The following UTRN variants were observed in gnomAD, a reference collection of about 807,000 sequenced individuals.
UTRN encodes the protein dystrophin-related protein 1.
Under a neutral mutation model 463.9 loss-of-function variants are expected in UTRN, and 283 were observed. The ratio of observed to expected loss-of-function variants is 0.61; its 90% CI spans 0.55 to 0.67. The LOEUF is 0.67. UTRN is among the 30% of genes least tolerant of loss of function. UTRN has a pLI of 0.00. For synonymous variants in UTRN, 1,442 were observed against 1,431.5 expected, an observed-to-expected ratio of 1.01 and a Z score of -0.17; for missense variants, 3,922 against 4,084.3, an observed-to-expected ratio of 0.96 and a Z score of 1.08.
chr6:144,301,331 T>G (rs1173220839), intron 2 of UTRN, among the ~76,000 whole-genome samples: 1 of 152,106 alleles, frequency 6.6e-6, no homozygotes, highest in Non-Finnish European at 1.5e-5. Flanking sequence ...CGTAACGTGT[T>G]GTAAATTAGA....
chr6:144,851,005 A>T lies in UTRN; in HGVS notation c.*8A>T. 1 of 1,613,648 alleles carries T rather than the reference A, an allele frequency of 6.2e-7. No individual in the cohort carries two copies. The highest frequency in any genetic ancestry group is 1.3e-5 in the African/African-American group (1 of 75,006). Reference sequence around the variant, plus strand: ...TTCCCATAGGCAATGTGAAGTATTCATCCGGCCAACCAATGTTTCCTGACG... The same window carrying T: ...TTCCCATAGGCAATGTGAAGTATTCTTCCGGCCAACCAATGTTTCCTGACG... On this transcript the variant is annotated 3_prime_UTR_variant, in exon 75 of 75. Coordinates refer to ENST00000367545, the MANE Select transcript of UTRN (RefSeq NM_007124.3).
chr6:144,819,608 G>C (rs925089599), intron 65 of UTRN, among the ~76,000 whole-genome samples: 1 of 152,052 alleles, frequency 6.6e-6, no homozygotes, highest in Non-Finnish European at 1.5e-5. Flanking sequence ...CACGAGAATC[G>C]GCTGAACTTG....
chr6:144,599,366 CAGTG>C (rs1306052937), intron 51 of UTRN, among the ~76,000 whole-genome samples: 2 of 152,108 alleles, frequency 1.3e-5, no homozygotes, highest in African/African-American at 4.8e-5. Flanking sequence ...ATTAACGAAG[CAGTG>C]AGGGACACAC....
At chr6:144,304,798 A>C (rs1324571460) in intron 2 of UTRN, among the ~76,000 whole-genome samples, 2 of 152,144 alleles carry the variant, frequency 1.3e-5, no homozygotes, top group Non-Finnish European at 2.9e-5. Context: ...AAGGGCTTTA[A>C]AATTAAAAAA....
At chr6:144,825,144 A>T (rs1035900281) in intron 66 of UTRN, among the ~76,000 whole-genome samples, 1 of 152,042 alleles carries the variant, frequency 6.6e-6, no homozygotes, top group African/African-American at 2.4e-5. Context: ...AACTGCTAGG[A>T]TTACAGGCAC....
intron 59 of UTRN, among the ~76,000 whole-genome samples, chr6:144,772,253 C>T (rs752821058): frequency 4.6e-5 from 7 of 151,888 alleles, no homozygotes; most frequent in Admixed American, 2.6e-4. Flanking sequence ...AGGCTGGTCT[C>T]GAACTCCTGA....
Position 144,428,900 on chromosome 6 carries a change from T to A in UTRN, c.694+7T>A, listed in dbSNP as rs1424290540. 6.4e-7 allele frequency: 1 copy of A among 1,565,060 alleles called. No individual in the cohort carries two copies. On this transcript the variant is annotated splice_region_variant and intron_variant, in intron 8 of 74. Transcript: ENST00000367545. ...AAGCTGTTAGATCCTGAAGGTATTG[T>A]CCAGTATTTAATTTCCACCTTGATT...
intron 2 of UTRN, among the ~76,000 whole-genome samples, chr6:144,301,780 C>T (rs1805281875): frequency 6.6e-6 from 1 of 152,000 alleles, no homozygotes; most frequent in Admixed American, 6.5e-5. Context: ...AGTGAACCGC[C>T]TGCCTTGGCC....
At chr6:144,676,412 A>G (rs916681084) in intron 51 of UTRN, among the ~76,000 whole-genome samples, 12 of 152,200 alleles carry the variant, frequency 7.9e-5, no homozygotes, top group African/African-American at 2.2e-4. Context: ...CATAAAGGCT[A>G]GATCTTGTCA....
intron 55 of UTRN, 35 bp downstream of exon 55, chr6:144,748,549 A>T (rs563820017): frequency 3.1e-6 from 5 of 1,591,838 alleles, no homozygotes; most frequent in Non-Finnish European, 4.3e-6. Flanking sequence ...TTTTTAAGAA[A>T]TGTTTTCTTG....
intron 54 of UTRN, among the ~76,000 whole-genome samples, chr6:144,735,468 T>C (rs1190121448): frequency 6.6e-6 from 1 of 152,186 alleles, no homozygotes; most frequent in African/African-American, 2.4e-5. Flanking sequence ...GATGGTTGTA[T>C]GTGCTGAATG....
chr6:144,317,205 C>T (rs891911329), intron 2 of UTRN, among the ~76,000 whole-genome samples: 2 of 152,038 alleles, frequency 1.3e-5, no homozygotes, highest in Admixed American at 6.5e-5. Flanking sequence ...AATAGGACAG[C>T]GAATGATATG....
At chr6:144,618,652 T>C (rs992578496) in intron 51 of UTRN, among the ~76,000 whole-genome samples, 1 of 152,160 alleles carries the variant, frequency 6.6e-6, no homozygotes, top group Admixed American at 6.5e-5. Flanking sequence ...TAGCTATTCA[T>C]TTATTTGACA....
chr6:144,748,100 T>C, intron 54 of UTRN, 146 bp from the exon 55 acceptor site: 1 of 1,002,588 alleles, frequency 1.0e-6, no homozygotes, highest in South Asian at 1.9e-5. Context: ...AGAAATTCTT[T>C]CTTACCCTGG....
At chr6:144,652,379 T>C (rs1425136380) in intron 51 of UTRN, among the ~76,000 whole-genome samples, 2 of 152,178 alleles carry the variant, frequency 1.3e-5, no homozygotes, top group African/African-American at 4.8e-5. Flanking sequence ...ACGATTAAAC[T>C]ATAATTTTCT....
intron 50 of UTRN, among the ~76,000 whole-genome samples, chr6:144,561,941 G>A (rs184181165): frequency 6.6e-6 from 1 of 152,216 alleles, no homozygotes; most frequent in Admixed American, 6.5e-5. Flanking sequence ...TCAGTTGTTT[G>A]TCCATAGTCA....
intron 51 of UTRN, among the ~76,000 whole-genome samples, chr6:144,601,239 T>A (rs1804217612): frequency 6.6e-6 from 1 of 152,192 alleles, no homozygotes; most frequent in African/African-American, 2.4e-5. Context: ...ATTTAAGAAA[T>A]GTTTCATAAA....
chr6:144,608,256 C>T (rs376848934), intron 51 of UTRN, among the ~76,000 whole-genome samples: 2 of 152,124 alleles, frequency 1.3e-5, no homozygotes, highest in South Asian at 4.1e-4. Flanking sequence ...TAGCAGATGG[C>T]CTTTGGACTT....
At chr6:144,516,669 C>G in intron 38 of UTRN, 142 bp from the exon 39 acceptor site, 1 of 676,054 alleles carries the variant, frequency 1.5e-6, no homozygotes, top group Non-Finnish European at 2.2e-6. Context: ...TTAAAAAAAA[C>G]ATAAATTTTT....
Sources: allele counts gnomAD v4.1 joint callset (sites outside exome capture counted in the v4.1 genomes callset), GRCh38; gene constraint gnomAD v4.1.1; transcripts MANE v1.5; gene names NCBI Gene and HGNC (gene_info 2026-07-23, HGNC 2026-07-21).